The following MACROD2 variants were observed in gnomAD, a reference collection of about 807,000 sequenced individuals.
MACROD2 encodes mono-ADP ribosylhydrolase 2.
Under a neutral mutation model 70.4 loss-of-function variants are expected in MACROD2, and 36 were observed. That is an observed-to-expected ratio of 0.51 (90% confidence interval 0.39 to 0.68). MACROD2 has a LOEUF of 0.68. Among genes scored for constraint, MACROD2 ranks in the 30% least tolerant of loss-of-function variants. The pLI, the probability that MACROD2 is intolerant of heterozygous loss-of-function variation, is 0.00. For synonymous variants in MACROD2, 172 were observed against 178.8 expected, an observed-to-expected ratio of 0.96 and a Z score of 0.30; for missense variants, 496 against 538.4, an observed-to-expected ratio of 0.92 and a Z score of 0.78.
chr20:16,002,541 G>A (rs1007477695), intron 15 of MACROD2, among the ~76,000 whole-genome samples: 1 of 152,142 alleles, frequency 6.6e-6, no homozygotes, highest in African/African-American at 2.4e-5. Flanking sequence ...ACAAGAGAGC[G>A]ATTGAGATTT....
chr20:15,757,440 A>G (rs2051364068), intron 8 of MACROD2, among the ~76,000 whole-genome samples: 1 of 152,104 alleles, frequency 6.6e-6, no homozygotes, highest in African/African-American at 2.4e-5. Context: ...TGCTGGCAAT[A>G]ATACTGCCCT....
intron 8 of MACROD2, among the ~76,000 whole-genome samples, chr20:15,703,212 C>A (rs1278136718): frequency 6.6e-6 from 1 of 152,160 alleles, no homozygotes; most frequent in African/African-American, 2.4e-5. Context: ...TAGGAGATAC[C>A]CTTCTTGACA....
At chr20:15,248,459 G>C (rs1301971896) in intron 6 of MACROD2, among the ~76,000 whole-genome samples, 1 of 151,966 alleles carries the variant, frequency 6.6e-6, no homozygotes, top group African/African-American at 2.4e-5. Context: ...TGACTCCTTT[G>C]TTCACCCTTT....
At chr20:14,325,584 A>G in intron 3 of MACROD2, 2 of 1,612,532 alleles carry the variant, frequency 1.2e-6, no homozygotes, top group Non-Finnish European at 1.7e-6. Flanking sequence ...CTGAGTCTGG[A>G]ATACCACTGT....
chr20:14,942,359 C>T (rs1376158841), intron 5 of MACROD2, among the ~76,000 whole-genome samples: 2 of 148,582 alleles, frequency 1.3e-5, no homozygotes, highest in Non-Finnish European at 3.0e-5. Flanking sequence ...TCTTTTCTTC[C>T]TGTTCTTTCT....
intron 8 of MACROD2, among the ~76,000 whole-genome samples, chr20:15,792,453 A>G (rs2063633467): frequency 6.6e-6 from 1 of 152,158 alleles, no homozygotes; most frequent in South Asian, 2.1e-4. Context: ...AATTTTCTTA[A>G]TTTGCAAAAT....
At chr20:15,308,711 A>G (rs779465282) in intron 6 of MACROD2, among the ~76,000 whole-genome samples, 2 of 152,166 alleles carry the variant, frequency 1.3e-5, no homozygotes, top group Admixed American at 6.6e-5. Context: ...GGACAAATAA[A>G]AGAAATATAG....
rs1601353766 is a variant in MACROD2, at chr20:14,212,650, T to C, written c.271+126922T>C. Among the ~76,000 whole-genome samples, 3 of 152,080 alleles carry C rather than the reference T, an allele frequency of 2.0e-5. No individual in the cohort carries two copies. The East Asian group carries it at 5.8e-4, about 29-fold the overall frequency. On this transcript the variant is annotated intron_variant, in intron 3 of 17. Transcript: ENST00000684519. ...AAGGAAGCTAGTTTGGGTCTCAACA[T>C]TGATACCGTTCTTGAGTCACTGTGA...
In MACROD2 at chr20:14,089,930, A is replaced by ATGGTATAT. The variant is rs766609984; in HGVS notation, c.271+4205_271+4212dup. Among the ~76,000 whole-genome samples, 173 of 152,284 alleles carry ATGGTATAT rather than the reference A, an allele frequency of 1.1e-3. 1 individual carries two copies. Among genetic ancestry groups the ATGGTATAT allele is most frequent in the Middle Eastern group, 6.8e-3 (2 of 294 alleles). On this transcript the variant is annotated intron_variant, in intron 3 of 17. Coordinates refer to ENST00000684519, the MANE Select transcript of MACROD2 (RefSeq NM_001351661.2). Reference sequence around the variant, plus strand: ...CAGGGAGTGCTTGTATACTTGTTACATGGTATATTGCATAATGCTGAAGTT... The same window carrying ATGGTATAT: ...CAGGGAGTGCTTGTATACTTGTTACATGGTATATTGGTATATTGCATAATGCTGAAGTT...
At chr20:15,934,883 A>G (rs1044538233) in intron 11 of MACROD2, among the ~76,000 whole-genome samples, 1 of 151,828 alleles carries the variant, frequency 6.6e-6, no homozygotes, top group African/African-American at 2.4e-5. Flanking sequence ...TTTTTAGTAG[A>G]GACAGGGTTT....
At chr20:14,102,590 G>T (rs1318667943) in intron 3 of MACROD2, among the ~76,000 whole-genome samples, 1 of 152,052 alleles carries the variant, frequency 6.6e-6, no homozygotes, top group African/African-American at 2.4e-5. Context: ...TCAGCCAAAG[G>T]GGAAAAAATG....
At chr20:14,045,990 G>C (rs891941046) in intron 2 of MACROD2, among the ~76,000 whole-genome samples, 1 of 152,218 alleles carries the variant, frequency 6.6e-6, no homozygotes, top group African/African-American at 2.4e-5. Context: ...AAGATGTTTA[G>C]AGTCAGAAGA....
intron 8 of MACROD2, among the ~76,000 whole-genome samples, chr20:15,661,529 T>G (rs1326625748): frequency 1.3e-5 from 2 of 152,166 alleles, no homozygotes; most frequent in Admixed American, 1.3e-4. Flanking sequence ...TGTAGAACAC[T>G]GTCAAGCCAT....
At chr20:15,887,490 C>T (rs1467975482) in intron 10 of MACROD2, among the ~76,000 whole-genome samples, 1 of 152,096 alleles carries the variant, frequency 6.6e-6, no homozygotes, top group African/African-American at 2.4e-5. Flanking sequence ...TTTATAGCAC[C>T]AACAGCTTTC....
intron 3 of MACROD2, among the ~76,000 whole-genome samples, chr20:14,465,091 G>GTTAACT (rs1297635546): frequency 6.6e-6 from 1 of 152,034 alleles, no homozygotes; most frequent in African/African-American, 2.4e-5. Context: ...GGATATCCTT[G>GTTAACT]TTAACTTTCT....
At chr20:15,338,299 A>T (rs553973704) in intron 6 of MACROD2, among the ~76,000 whole-genome samples, 32 of 151,470 alleles carry the variant, frequency 2.1e-4, no homozygotes, top group Non-Finnish European at 3.5e-4. Flanking sequence ...CCAGCTTTTC[A>T]CCCATGTTTT....
chr20:15,490,806 T>C (rs547308116), intron 7 of MACROD2, among the ~76,000 whole-genome samples: 1 of 152,272 alleles, frequency 6.6e-6, no homozygotes, highest in Non-Finnish European at 1.5e-5. Context: ...GAGAAACATA[T>C]GGCTACTTGA....
intron 5 of MACROD2, among the ~76,000 whole-genome samples, chr20:14,734,918 G>C (rs895005165): frequency 6.6e-6 from 1 of 152,044 alleles, no homozygotes; most frequent in Non-Finnish European, 1.5e-5. Context: ...ATAGTACTGG[G>C]ATGACTGAAT....
intron 6 of MACROD2, among the ~76,000 whole-genome samples, chr20:15,329,067 G>A (rs2077963521): frequency 6.6e-6 from 1 of 151,972 alleles, no homozygotes; most frequent in African/African-American, 2.4e-5. Flanking sequence ...ATAAAAGTAG[G>A]AAACAAAACA....
Sources: gnomAD v4.1 joint callset for allele counts (sites outside exome capture counted in the v4.1 genomes callset) on GRCh38, gnomAD v4.1.1 for gene constraint, MANE v1.5 for transcripts, NCBI Gene and HGNC (gene_info 2026-07-23, HGNC 2026-07-21) for gene names.